ADAM23: variants seen among roughly 807,000 people sequenced by gnomAD.
ADAM23 encodes ADAM metallopeptidase domain 23, also known as disintegrin and metalloproteinase domain-containing protein 23.
A neutral mutation model predicts 120.1 loss-of-function variants in ADAM23; 33 were observed. The ratio of observed to expected loss-of-function variants is 0.27; its 90% CI spans 0.21 to 0.37. The LOEUF (loss-of-function observed/expected upper bound fraction) is 0.37, where lower values mean the gene tolerates loss of function less well. Ranked by LOEUF, ADAM23 falls within the 10% of genes least tolerant of loss-of-function variation. The pLI is 1.00. For missense variants in ADAM23, 862 were observed against 1,058.2 expected, an observed-to-expected ratio of 0.81 and a Z score of 2.57; for synonymous variants, 367 against 375.2, an observed-to-expected ratio of 0.98 and a Z score of 0.25.
At chr2:206,453,201 G>A (rs1019544743) in intron 2 of ADAM23, among the ~76,000 whole-genome samples, 6 of 152,032 alleles carry the variant, frequency 3.9e-5, no homozygotes, top group Non-Finnish European at 7.4e-5. Context: ...TATAATTTTG[G>A]ATGATTCTAT....
chr2:206,479,682 C>T (rs13431295), intron 2 of ADAM23, among the ~76,000 whole-genome samples: 2,572 of 152,222 alleles, frequency 0.017, 33 homozygotes, highest in African/African-American at 0.025. Flanking sequence ...TTCTCTCTCT[C>T]TCTCTCTTTC....
chr2:206,567,133 A>G (rs1697902076), intron 14 of ADAM23, 90 bp from the exon 15 acceptor site: 1 of 1,001,752 alleles, frequency 1.0e-6, no homozygotes, highest in African/African-American at 1.6e-5. Flanking sequence ...TTCAAAGTGA[A>G]CATTTTGTTC....
intron 9 of ADAM23, among the ~76,000 whole-genome samples, chr2:206,557,040 T>G (rs1697658256): frequency 6.6e-6 from 1 of 152,186 alleles, no homozygotes; most frequent in South Asian, 2.1e-4. Context: ...GCTTCTCATA[T>G]CGATTTCTAT....
At chr2:206,562,077 C>T in intron 12 of ADAM23, 126 bp from the exon 13 acceptor site, 1 of 710,808 alleles carries the variant, frequency 1.4e-6, no homozygotes, top group Non-Finnish European at 2.4e-6. Flanking sequence ...TAGCATATGC[C>T]ATCTTAAGAT....
intron 4 of ADAM23, among the ~76,000 whole-genome samples, chr2:206,537,593 A>G (rs1255530716): frequency 6.6e-6 from 1 of 151,978 alleles, no homozygotes; most frequent in African/African-American, 2.4e-5. Flanking sequence ...TCTTTTAGTA[A>G]TATTTTAATG....
intron 3 of ADAM23, among the ~76,000 whole-genome samples, chr2:206,487,723 T>C (rs1436485919): frequency 6.6e-6 from 1 of 152,254 alleles, no homozygotes; most frequent in Non-Finnish European, 1.5e-5. Context: ...GAAAGAATTC[T>C]TAGGATGCAT....
chr2:206,542,717 C>T (rs1020084265), intron 5 of ADAM23, among the ~76,000 whole-genome samples: 10 of 152,134 alleles, frequency 6.6e-5, no homozygotes, highest in African/African-American at 1.7e-4. Flanking sequence ...CCTTATGTCC[C>T]TGAAAATTAA....
chr2:206,601,022 C>G (rs1698630840), intron 24 of ADAM23, among the ~76,000 whole-genome samples: 2 of 152,118 alleles, frequency 1.3e-5, no homozygotes, highest in African/African-American at 4.8e-5. Flanking sequence ...TTGCTTTGTT[C>G]TACAAGGACA....
chr2:206,480,618 G>A (rs1253896859), intron 2 of ADAM23, among the ~76,000 whole-genome samples: 1 of 151,948 alleles, frequency 6.6e-6, no homozygotes, highest in Non-Finnish European at 1.5e-5. Context: ...ATGTTTAGAT[G>A]GAATTATCTT....
intron 3 of ADAM23, among the ~76,000 whole-genome samples, chr2:206,486,240 C>T (rs527869646): frequency 6.6e-6 from 1 of 152,102 alleles, no homozygotes; most frequent in South Asian, 2.1e-4. Context: ...TCAGGGTGCT[C>T]CTCTTTTAAA....
chr2:206,510,840 T>C (rs972169888), intron 3 of ADAM23, among the ~76,000 whole-genome samples: 31 of 152,236 alleles, frequency 2.0e-4, no homozygotes, highest in African/African-American at 7.2e-4. Flanking sequence ...GATGGTCATA[T>C]GATTTTTCTT....
chr2:206,578,151 C>G (rs1339068528), intron 18 of ADAM23, among the ~76,000 whole-genome samples: 1 of 145,848 alleles, frequency 6.9e-6, no homozygotes, highest in Non-Finnish European at 1.5e-5. Context: ...TTTTGCATTA[C>G]TGTTGACTGT....
intron 2 of ADAM23, among the ~76,000 whole-genome samples, chr2:206,456,596 A>G (rs571218623): frequency 6.6e-6 from 1 of 152,220 alleles, no homozygotes; most frequent in African/African-American, 2.4e-5. Flanking sequence ...ACCAGTGACT[A>G]TGTTGCTCTT....
chr2:206,453,321 A>G (rs1695234161), intron 2 of ADAM23, among the ~76,000 whole-genome samples: 1 of 152,234 alleles, frequency 6.6e-6, no homozygotes, highest in African/African-American at 2.4e-5. Context: ...AATTCTGTTA[A>G]ATTCCTGCTT....
intron 3 of ADAM23, among the ~76,000 whole-genome samples, chr2:206,490,640 T>C (rs1244172424): frequency 6.6e-6 from 1 of 152,216 alleles, no homozygotes; most frequent in East Asian, 1.9e-4. Flanking sequence ...GTATATGTCC[T>C]AGAGGCCTGA....
chr2:206,584,517 G>C (rs541024580), intron 18 of ADAM23, among the ~76,000 whole-genome samples: 64 of 152,034 alleles, frequency 4.2e-4, no homozygotes, highest in Non-Finnish European at 8.1e-4. Flanking sequence ...CCACTTTCCT[G>C]ACAACCTGCA....
intron 2 of ADAM23, among the ~76,000 whole-genome samples, chr2:206,467,219 C>T (rs1298239894): frequency 6.6e-6 from 1 of 152,156 alleles, no homozygotes; most frequent in Non-Finnish European, 1.5e-5. Flanking sequence ...TGAACAGTCC[C>T]CCAGAATCTT....
intron 24 of ADAM23, among the ~76,000 whole-genome samples, chr2:206,603,203 A>C (rs1296407674): frequency 2.6e-5 from 4 of 152,178 alleles, no homozygotes; most frequent in African/African-American, 4.8e-5. Flanking sequence ...TTTTTCAATG[A>C]GATGATAAAT....
intron 3 of ADAM23, among the ~76,000 whole-genome samples, chr2:206,510,107 G>A (rs1201967620): frequency 6.6e-6 from 1 of 152,110 alleles, no homozygotes; most frequent in Non-Finnish European, 1.5e-5. Context: ...TTCTAATTAT[G>A]CATCATAGTT....
Sources: gnomAD v4.1 joint callset for allele counts (sites outside exome capture counted in the v4.1 genomes callset) on GRCh38, gnomAD v4.1.1 for gene constraint, MANE v1.5 for transcripts, NCBI Gene and HGNC (gene_info 2026-07-23, HGNC 2026-07-21) for gene names.